MCTP1: variants seen among roughly 807,000 people sequenced by gnomAD.
The protein encoded by MCTP1 is multiple C2 and transmembrane domain-containing protein 1.
Under a neutral mutation model 120.6 loss-of-function variants are expected in MCTP1, and 69 were observed. The ratio of observed to expected loss-of-function variants is 0.57; its 90% CI spans 0.47 to 0.70. The LOEUF (loss-of-function observed/expected upper bound fraction) is 0.70, where lower values mean the gene tolerates loss of function less well. Among genes scored for constraint, MCTP1 ranks in the 30% least tolerant of loss-of-function variants. MCTP1 has a pLI of 0.00. For missense variants in MCTP1, 1,203 were observed against 1,248.8 expected (o/e 0.96, Z 0.55); for synonymous variants, 529 against 493.1 (o/e 1.07, Z -0.96).
chr5:95,075,498 T>C (rs1271068627), intron 1 of MCTP1, among the ~76,000 whole-genome samples: 1 of 152,128 alleles, frequency 6.6e-6, no homozygotes, highest in African/African-American at 2.4e-5. Flanking sequence ...CTTGCAAAAA[T>C]AATAGATACA....
At chr5:95,027,848 G>C (rs1204571791) in intron 1 of MCTP1, among the ~76,000 whole-genome samples, 1 of 152,142 alleles carries the variant, frequency 6.6e-6, no homozygotes, top group African/African-American at 2.4e-5. Flanking sequence ...ACGAGACCGA[G>C]CAAAATAAGC....
At chr5:95,169,291 G>A (rs1046514481) in intron 1 of MCTP1, among the ~76,000 whole-genome samples, 13 of 152,096 alleles carry the variant, frequency 8.5e-5, no homozygotes, top group South Asian at 2.1e-4. Flanking sequence ...TGCTGGATTC[G>A]GTTTGCCAGT....
At chr5:95,037,542 A>T (rs955814655) in intron 1 of MCTP1, among the ~76,000 whole-genome samples, 3 of 152,300 alleles carry the variant, frequency 2.0e-5, no homozygotes, top group Admixed American at 2.0e-4. Context: ...TGTAGTATAT[A>T]TTGGTCTAAT....
At chr5:94,812,821 T>C (rs1319332163) in intron 17 of MCTP1, among the ~76,000 whole-genome samples, 1 of 150,372 alleles carries the variant, frequency 6.7e-6, no homozygotes, top group African/African-American at 2.4e-5. Flanking sequence ...ACTAAAACCA[T>C]AAAACCTCTA....
chr5:94,857,656 T>G (rs758257726), intron 17 of MCTP1, among the ~76,000 whole-genome samples: 8 of 151,742 alleles, frequency 5.3e-5, no homozygotes, highest in Non-Finnish European at 1.2e-4. Context: ...GGCCAAATAT[T>G]ATTCAAGTCT....
chr5:94,939,122 C>T (rs1348003239), intron 5 of MCTP1, among the ~76,000 whole-genome samples: 1 of 151,760 alleles, frequency 6.6e-6, no homozygotes. Context: ...GAGAGAAATA[C>T]TTCTTGAAAG....
chr5:94,709,448 C>T (rs1755963811), intron 21 of MCTP1: 1 of 152,048 alleles, frequency 6.6e-6, no homozygotes, highest in African/African-American at 2.4e-5. Context: ...AGATGTCTGC[C>T]CTGGGCTCCA....
chr5:94,904,006 C>A (rs176809), intron 10 of MCTP1, among the ~76,000 whole-genome samples: 2 of 152,122 alleles, frequency 1.3e-5, no homozygotes, highest in South Asian at 4.2e-4. Flanking sequence ...AGCTGATTAT[C>A]GTAAAGGGGG....
At chr5:95,237,353 G>A (rs1312967102) in intron 1 of MCTP1, among the ~76,000 whole-genome samples, 20 of 152,192 alleles carry the variant, frequency 1.3e-4, no homozygotes, top group Admixed American at 1.3e-3. Context: ...ACCATTAAAA[G>A]TAACGGTTTT....
At chr5:94,912,546 T>C (rs1360774613) in intron 9 of MCTP1, among the ~76,000 whole-genome samples, 1 of 149,104 alleles carries the variant, frequency 6.7e-6, no homozygotes, top group Non-Finnish European at 1.5e-5. Context: ...TCCACAGAGC[T>C]ATGCCAAGGG....
chr5:94,748,476 A>T (rs1022134388), intron 19 of MCTP1, among the ~76,000 whole-genome samples: 3 of 152,160 alleles, frequency 2.0e-5, no homozygotes, highest in African/African-American at 4.8e-5. Context: ...AGGTACATAC[A>T]TCCTTTGTGG....
intron 1 of MCTP1, among the ~76,000 whole-genome samples, chr5:95,203,990 T>C (rs571989798): frequency 2.0e-5 from 3 of 152,322 alleles, no homozygotes; most frequent in South Asian, 2.1e-4. Context: ...TGTGGATCCA[T>C]TTGTACTTGG....
At chr5:94,958,404 G>T (rs1823233965) in intron 2 of MCTP1, among the ~76,000 whole-genome samples, 1 of 151,962 alleles carries the variant, frequency 6.6e-6, no homozygotes, top group South Asian at 2.1e-4. Context: ...CAGAAGACAA[G>T]AAATAACTAA....
At chr5:95,061,815 C>G (rs1174275973) in intron 1 of MCTP1, among the ~76,000 whole-genome samples, 1 of 152,170 alleles carries the variant, frequency 6.6e-6, no homozygotes, top group Non-Finnish European at 1.5e-5. Flanking sequence ...ACTGACTCAT[C>G]TGAAACTCAT....
At chr5:95,104,858 G>A (rs930818617) in intron 1 of MCTP1, among the ~76,000 whole-genome samples, 2 of 152,152 alleles carry the variant, frequency 1.3e-5, no homozygotes, top group African/African-American at 2.4e-5. Context: ...CTTTTCTAAA[G>A]CCTTTCTCCT....
intron 12 of MCTP1, among the ~76,000 whole-genome samples, chr5:94,885,726 T>G (rs73136017): frequency 4.0e-5 from 6 of 151,872 alleles, no homozygotes; most frequent in African/African-American, 1.5e-4. Flanking sequence ...TTTGATGGTG[T>G]GGAGAGACAT....
intron 1 of MCTP1, among the ~76,000 whole-genome samples, chr5:95,168,362 T>C (rs1464003961): frequency 6.6e-6 from 1 of 152,216 alleles, no homozygotes; most frequent in African/African-American, 2.4e-5. Context: ...TGGCTTAGGA[T>C]TGACTTGGCA....
intron 1 of MCTP1, among the ~76,000 whole-genome samples, chr5:95,262,190 C>T (rs1273174185): frequency 1.3e-5 from 2 of 152,186 alleles, no homozygotes; most frequent in Non-Finnish European, 2.9e-5. Flanking sequence ...GTTCATTTAC[C>T]TTCATGAGTC....
intron 19 of MCTP1, among the ~76,000 whole-genome samples, chr5:94,736,133 A>C (rs557936897): frequency 6.6e-6 from 1 of 152,318 alleles, no homozygotes; most frequent in South Asian, 2.1e-4. Flanking sequence ...ATACACAATA[A>C]ATGGCCACCT....
Sources: allele counts gnomAD v4.1 joint callset (sites outside exome capture counted in the v4.1 genomes callset), GRCh38; gene constraint gnomAD v4.1.1; transcripts MANE v1.5; gene names NCBI Gene and HGNC (gene_info 2026-07-23, HGNC 2026-07-21).